The following MED13 variants were observed in gnomAD, a reference collection of about 807,000 sequenced individuals.
MED13 encodes the protein mediator complex subunit 13.
A neutral mutation model predicts 225.2 loss-of-function variants in MED13; 23 were observed. The ratio of observed to expected loss-of-function variants is 0.10; its 90% CI spans 0.07 to 0.14. MED13 has a LOEUF of 0.14. Ranked by LOEUF, MED13 falls within the 10% of genes least tolerant of loss-of-function variation. The pLI, the probability that MED13 is intolerant of heterozygous loss-of-function variation, is 1.00. For missense variants in MED13, 2,197 were observed against 2,594.5 expected (o/e 0.85, Z 3.33); for synonymous variants, 942 against 889.2 (o/e 1.06, Z -1.06).
At chr17:62,035,637 G>C (rs768564888) in intron 3 of MED13, 29 bp from the exon 4 acceptor site, 2 of 1,582,350 alleles carry the variant, frequency 1.3e-6, no homozygotes, top group South Asian at 1.2e-5. Flanking sequence ...TTTTATCTTA[G>C]TGATGACTAG....
intron 2 of MED13, among the ~76,000 whole-genome samples, chr17:62,062,606 A>AC (rs2081049325): frequency 7.2e-4 from 61 of 84,216 alleles, no homozygotes; most frequent in African/African-American, 3.8e-3. Context: ...CACACCACAC[A>AC]CACACACACA....
chr17:61,980,741 G>A (rs761130416), intron 16 of MED13, among the ~76,000 whole-genome samples: 1 of 151,912 alleles, frequency 6.6e-6, no homozygotes, highest in African/African-American at 2.4e-5. Flanking sequence ...AAACCCCAAC[G>A]CTATTTTCCA....
chr17:62,062,863 C>G (rs968598971), intron 2 of MED13, among the ~76,000 whole-genome samples: 1 of 152,132 alleles, frequency 6.6e-6, no homozygotes, highest in Non-Finnish European at 1.5e-5. Flanking sequence ...GAAAGTCATT[C>G]ACGCCTTAAA....
chr17:61,948,368 T>C (rs2079867966), intron 28 of MED13, among the ~76,000 whole-genome samples: 1 of 152,248 alleles, frequency 6.6e-6, no homozygotes, highest in African/African-American at 2.4e-5. Flanking sequence ...AAGCTCTAGA[T>C]AGTCCCTTGG....
rs1352457785 is a variant in MED13, at chr17:62,011,133, G to C, written c.1384C>G (p.Gln462Glu). 6.2e-7 allele frequency: 1 copy of C among 1,614,152 alleles called. No individual in the cohort carries two copies. The highest frequency in any genetic ancestry group is 8.5e-7 in the Non-Finnish European group (1 of 1,180,034). Residue 462 changes from glutamine to glutamate, a missense_variant, in exon 9 of 30, where the codon CAA (glutamine) becomes GAA (glutamate). By Grantham distance (29) the Gln-to-Glu change is conservative. Coordinates refer to ENST00000397786, the MANE Select transcript of MED13 (RefSeq NM_005121.3). ...TTCTGTGGCTTTTCACTCTTTTCTT[G>C]CTTCTCATTGGTCTTGTGCTTAGGA... ...ILPKHKTNEK[Q>E]EKSEKPQKRP...
At position 61,960,862 on chromosome 17, in the gene MED13, A is replaced by C. The variant is rs2079992433; in HGVS notation, c.5480+5T>G. 3.2e-6 allele frequency: 5 copies of C among 1,574,478 alleles called. No individual in the cohort carries two copies. The highest frequency in any genetic ancestry group is 4.4e-6 in the Non-Finnish European group (5 of 1,147,032). On this transcript the variant is annotated splice_donor_5th_base_variant and intron_variant, in intron 23 of 29. Transcript: ENST00000397786. Reference sequence around the variant, plus strand: ...GATATGATATATTTAGGGAAATACAAATACCTATTTGGAACATCGATGTTA... The same window carrying C: ...GATATGATATATTTAGGGAAATACACATACCTATTTGGAACATCGATGTTA...
rs773685633 is a variant in MED13, at chr17:62,031,426, G to A, written c.1009+18C>T. 3 of 1,540,214 alleles carry A rather than the reference G, an allele frequency of 1.9e-6. No homozygotes were observed. The African/African-American group carries it at 4.2e-5, about 21-fold the overall frequency. ...AATAACAAATTACCAGAGCTGATGA[G>A]ACAAATTACTGCTATACCTGTTTGG... On this transcript the variant is annotated intron_variant, in intron 6 of 29. Transcript: ENST00000397786.
chr17:62,046,872 T>C (rs1035184504), intron 3 of MED13, among the ~76,000 whole-genome samples: 1 of 151,944 alleles, frequency 6.6e-6, no homozygotes, highest in African/African-American at 2.4e-5. Context: ...TTTTTTTTTT[T>C]TAAGACAGGG....
chr17:61,988,259 T>C (rs1005421776), intron 11 of MED13, among the ~76,000 whole-genome samples: 5 of 152,208 alleles, frequency 3.3e-5, no homozygotes, highest in African/African-American at 9.6e-5. Context: ...AAGTACTAGA[T>C]AAATATTACC....
rs747953657 is a variant in MED13, at chr17:61,946,899, A to C, written c.6392+18T>G. 31 of 1,568,492 alleles carry C rather than the reference A, an allele frequency of 2.0e-5. No homozygotes were observed. Among genetic ancestry groups the C allele is most frequent in the Non-Finnish European group, 2.2e-5 (25 of 1,140,176 alleles). On this transcript the variant is annotated intron_variant, in intron 29 of 29. Transcript: ENST00000397786. ...TTAAAGTTGCAGTGACAAACTGTTAATGGTAAAAGAGTTGTACCTGAGGAC... is the reference window on the plus strand; with the variant it reads ...TTAAAGTTGCAGTGACAAACTGTTACTGGTAAAAGAGTTGTACCTGAGGAC...
Position 62,022,174 on chromosome 17 carries a change from A to ATAT in MED13, c.1283+7366_1283+7367insATA, listed in dbSNP as rs1555640204. ...CAGAGCAAGACTGTCTCAAAAAAAA[A>ATAT]ATATATATATATATATATATATTCT... On this transcript the variant is annotated intron_variant, in intron 8 of 29. Coordinates refer to ENST00000397786, the MANE Select transcript of MED13 (RefSeq NM_005121.3). Among the ~76,000 whole-genome samples, 661 of 141,292 alleles carry ATAT rather than the reference A, an allele frequency of 4.7e-3. 5 individuals carry two copies. Among genetic ancestry groups the ATAT allele is most frequent in the Non-Finnish European group, 7.8e-3 (512 of 65,462 alleles). The allele number at this position is 141,292 out of a possible 152,430, so 92.7% of individuals were successfully genotyped here.
At chr17:61,983,245 G>A in intron 15 of MED13, 131 bp from the exon 16 acceptor site, 1 of 713,068 alleles carries the variant, frequency 1.4e-6, no homozygotes, top group Non-Finnish European at 2.2e-6. Context: ...AGTATTGCAA[G>A]AATTACAAGC....
Position 61,955,698 on chromosome 17 carries a change from A to G in MED13, c.5764T>C (p.Ser1922Pro). 2.5e-6 allele frequency: 4 copies of G among 1,601,674 alleles called. No individual in the cohort carries two copies. The highest frequency in any genetic ancestry group is 3.4e-6 in the Non-Finnish European group (4 of 1,176,924). The change falls in exon 25 of 30, where the codon TCT (serine) becomes CCT (proline). Residue 1922 changes from serine to proline, a missense_variant. Around this residue, in one of 12 missense-constraint regions of MED13, gnomAD observed 216 missense variants for 388.9 expected, o/e 0.56. Transcript: ENST00000397786. ...AGCTAACCTGGCATAATAACAAAAGAGCCTTGCGGCTCCATTGCCACCAAG... is the reference window on the plus strand; with the variant it reads ...AGCTAACCTGGCATAATAACAAAAGGGCCTTGCGGCTCCATTGCCACCAAG... ...ACLVAMEPQGSFVIMPDSVST... is the reference protein window; with the variant it reads ...ACLVAMEPQGPFVIMPDSVST...
chr17:62,010,938 T>G lies in MED13; in HGVS notation c.1579A>C (p.Met527Leu). The change falls in exon 9 of 30, where the codon ATG becomes CTG. Residue 527 changes from methionine to leucine, a missense_variant. Transcript: ENST00000397786. ...GGGGGTGGTTGAGGTGAATTTGCCA[T>G]TTCGGTGCCATGCATCTGAGGAGTC... is the stretch of plus-strand genomic sequence containing the variant. ...AKTPQMHGTE[M>L]ANSPQPPPLS... 2 of 1,612,582 alleles carry G rather than the reference T, an allele frequency of 1.2e-6. No homozygotes were observed. The highest frequency in any genetic ancestry group is 1.7e-6 in the Non-Finnish European group (2 of 1,178,714).
rs141129682 is a variant in MED13, at chr17:62,055,446, T to C, written c.302-2741A>G. Among the ~76,000 whole-genome samples, 1,160 of 152,140 alleles carry C rather than the reference T, an allele frequency of 7.6e-3. 18 individuals are homozygous for C. Among genetic ancestry groups the C allele is most frequent in the African/African-American group, 0.027 (1,113 of 41,510 alleles). On this transcript the variant is annotated intron_variant, in intron 2 of 29. Coordinates refer to ENST00000397786, the MANE Select transcript of MED13 (RefSeq NM_005121.3). Reference sequence around the variant, plus strand: ...TAAAAGCTAAAGCACAATTTATAAATTTTCACATGAAATTCTGAAAATTTT... The same window carrying C: ...TAAAAGCTAAAGCACAATTTATAAACTTTCACATGAAATTCTGAAAATTTT...
intron 8 of MED13, among the ~76,000 whole-genome samples, chr17:62,013,012 C>T (rs919482806): frequency 2.0e-5 from 3 of 151,616 alleles, no homozygotes; most frequent in Admixed American, 6.6e-5. Flanking sequence ...AGGATAGTCT[C>T]GATCTCTTGA....
chr17:62,060,527 G>C (rs1487695570), intron 2 of MED13, among the ~76,000 whole-genome samples: 2 of 150,586 alleles, frequency 1.3e-5, no homozygotes, highest in Non-Finnish European at 3.0e-5. Flanking sequence ...GGCTGAGGTA[G>C]TAGGAGTATG....
At chr17:62,060,011 G>A (rs867049915) in intron 2 of MED13, among the ~76,000 whole-genome samples, 1 of 152,028 alleles carries the variant, frequency 6.6e-6, no homozygotes, top group East Asian at 1.9e-4. Flanking sequence ...GTTATTTACG[G>A]CCAGGTGCAG....
chr17:62,015,936 ATATATATATATATATATATTTTTTTTTTT>A lies in MED13; in HGVS notation c.1284-4732_1284-4704del, dbSNP rs1185017121. Among the ~76,000 whole-genome samples the A allele has an allele frequency of 1.0e-3, 9 of 8,832 alleles. 2 individuals carry two copies. In the South Asian group the frequency reaches 0.029, roughly 29 times the overall value. 5.8% of individuals were successfully genotyped at this position (8,832 alleles called of 152,430 possible). A position where few individuals can be genotyped will look rare whatever the true frequency, so the allele number is the denominator to read the frequency against. On this transcript the variant is annotated intron_variant, in intron 8 of 29. Transcript: ENST00000397786. ...TACACATATATATATATATATATAT[ATATATATATATATATATATTTTTTTTTTT>A]TTTTTTTTTTTTTTTTTTAGTAGAG...
Sources: allele counts gnomAD v4.1 joint callset (sites outside exome capture counted in the v4.1 genomes callset), GRCh38; gene constraint gnomAD v4.1.1; regional missense constraint gnomAD v4.1.1; transcripts MANE v1.5; gene names NCBI Gene and HGNC (gene_info 2026-07-23, HGNC 2026-07-21).